ADAMTSL1: variants seen among roughly 807,000 people sequenced by gnomAD.
ADAMTSL1 encodes the protein ADAMTS like 1.
A neutral mutation model predicts 201.8 loss-of-function variants in ADAMTSL1; 126 were observed. The ratio of observed to expected loss-of-function variants is 0.62; its 90% CI spans 0.54 to 0.72. The LOEUF is 0.72. Ranked by LOEUF, ADAMTSL1 falls within the 30% of genes least tolerant of loss-of-function variation. The pLI is 0.00. For synonymous variants in ADAMTSL1, 1,121 were observed against 903.4 expected (o/e 1.24, Z -4.32); for missense variants, 2,679 against 2,277.8 (o/e 1.18, Z -3.59).
chr9:18,103,901 C>T (rs1824641501), intron 1 of ADAMTSL1, among the ~76,000 whole-genome samples: 1 of 152,288 alleles, frequency 6.6e-6, no homozygotes, highest in East Asian at 1.9e-4. Flanking sequence ...CTACACTCTT[C>T]ACTTTGGAGA....
intron 2 of ADAMTSL1, among the ~76,000 whole-genome samples, chr9:18,205,606 C>G (rs931184514): frequency 3.3e-5 from 5 of 152,092 alleles, no homozygotes; most frequent in Admixed American, 6.6e-5. Context: ...GAAAAGCAAG[C>G]TAGGTCTCTC....
chr9:18,782,180 A>G (rs1396093476), intron 19 of ADAMTSL1, among the ~76,000 whole-genome samples: 2 of 152,228 alleles, frequency 1.3e-5, no homozygotes, highest in Non-Finnish European at 2.9e-5. Context: ...CCTGTTGATG[A>G]AATTCAAAGT....
intron 2 of ADAMTSL1, among the ~76,000 whole-genome samples, chr9:18,238,225 A>AAG (rs1487906739): frequency 6.6e-6 from 1 of 152,220 alleles, no homozygotes; most frequent in Non-Finnish European, 1.5e-5. Context: ...TGAAATGGTT[A>AAG]AGATTCTCCT....
chr9:18,347,834 G>A (rs1424167100), intron 2 of ADAMTSL1, among the ~76,000 whole-genome samples: 5 of 152,086 alleles, frequency 3.3e-5, no homozygotes, highest in African/African-American at 7.2e-5. Flanking sequence ...TGTTGAATGC[G>A]GCATCAAAGG....
intron 1 of ADAMTSL1, among the ~76,000 whole-genome samples, chr9:18,040,092 C>A (rs1162807723): frequency 6.6e-6 from 1 of 152,098 alleles, no homozygotes; most frequent in Non-Finnish European, 1.5e-5. Flanking sequence ...ATTTTTAAAA[C>A]CATTATCATT....
At chr9:17,977,347 T>C (rs575847269) in intron 1 of ADAMTSL1, among the ~76,000 whole-genome samples, 1 of 152,142 alleles carries the variant, frequency 6.6e-6, no homozygotes, top group Non-Finnish European at 1.5e-5. Flanking sequence ...ATAAAATTAA[T>C]TTGGAAAAAT....
intron 2 of ADAMTSL1, among the ~76,000 whole-genome samples, chr9:18,508,462 A>G (rs1162180294): frequency 2.0e-5 from 3 of 152,238 alleles, no homozygotes; most frequent in Non-Finnish European, 1.5e-5. Context: ...GTTTGAATGC[A>G]TCTGCTCAGG....
In ADAMTSL1 at chr9:18,861,036, T is replaced by G. The variant is rs140198542; in HGVS notation, c.4250-26795T>G. ...CATCCCTCGTTTCACAGAGATCATA[T>G]ACACATCCCTCATTATACAGAGATC... is the stretch of plus-strand genomic sequence containing the variant. On this transcript the variant is annotated intron_variant, in intron 23 of 28. Coordinates refer to ENST00000380548, the MANE Select transcript of ADAMTSL1 (RefSeq NM_001040272.6). 1.5e-3 allele frequency among the ~76,000 whole-genome samples: 229 copies of G among 152,324 alleles called. 2 individuals carry two copies. The East Asian group carries it at 0.024, about 16-fold the overall frequency.
intron 18 of ADAMTSL1, 121 bp downstream of exon 18, chr9:18,776,017 C>A: frequency 7.6e-7 from 1 of 1,308,482 alleles, no homozygotes; most frequent in South Asian, 1.5e-5. Context: ...AGTAGAACCC[C>A]ATGGAGGGCT....
intron 16 of ADAMTSL1, among the ~76,000 whole-genome samples, chr9:18,757,531 A>G (rs1819843278): frequency 6.6e-6 from 1 of 151,906 alleles, no homozygotes; most frequent in South Asian, 2.1e-4. Context: ...CCCTCTGCGC[A>G]TCTGTCCCTG....
intron 1 of ADAMTSL1, among the ~76,000 whole-genome samples, chr9:18,107,687 CAGAA>C (rs1824819267): frequency 6.6e-6 from 1 of 152,116 alleles, no homozygotes; most frequent in Non-Finnish European, 1.5e-5. Context: ...AGCTTCGGAG[CAGAA>C]AGATTCTTGA....
intron 9 of ADAMTSL1, among the ~76,000 whole-genome samples, chr9:18,671,331 TGTGA>T (rs1829797906): frequency 6.6e-6 from 1 of 152,178 alleles, no homozygotes; most frequent in African/African-American, 2.4e-5. Flanking sequence ...TATGGAACCA[TGTGA>T]GTCTTCTAAA....
At chr9:18,536,063 G>C (rs1451046779) in intron 3 of ADAMTSL1, among the ~76,000 whole-genome samples, 1 of 152,044 alleles carries the variant, frequency 6.6e-6, no homozygotes, top group Non-Finnish European at 1.5e-5. Context: ...TGAGAATCTA[G>C]AATCTTCAAA....
chr9:18,246,092 C>T (rs1419216015), intron 2 of ADAMTSL1, among the ~76,000 whole-genome samples: 1 of 151,980 alleles, frequency 6.6e-6, no homozygotes, highest in African/African-American at 2.4e-5. Context: ...CAGATTCTGC[C>T]CTTGGGGAAA....
chr9:18,706,672 G>A, intron 13 of ADAMTSL1, 75 bp from the exon 14 acceptor site: 1 of 1,439,100 alleles, frequency 6.9e-7, no homozygotes, highest in Non-Finnish European at 9.3e-7. Flanking sequence ...CAGGTGGGAT[G>A]CAGCCCCTCA....
At chr9:18,012,335 C>G (rs1820086002) in intron 1 of ADAMTSL1, among the ~76,000 whole-genome samples, 1 of 152,026 alleles carries the variant, frequency 6.6e-6, no homozygotes. Flanking sequence ...CAAGCAGGAT[C>G]AAGAACATCT....
intron 3 of ADAMTSL1, among the ~76,000 whole-genome samples, chr9:18,542,954 C>T (rs1587511333): frequency 6.6e-6 from 1 of 152,314 alleles, no homozygotes; most frequent in African/African-American, 2.4e-5. Context: ...TGTTAGACCT[C>T]ATTTCCGGCA....
chr9:18,189,513 T>C (rs1828881771), intron 2 of ADAMTSL1, among the ~76,000 whole-genome samples: 1 of 152,088 alleles, frequency 6.6e-6, no homozygotes, highest in African/African-American at 2.4e-5. Context: ...TTTTTATATA[T>C]TCCAGAGGGC....
intron 2 of ADAMTSL1, among the ~76,000 whole-genome samples, chr9:18,298,748 G>A (rs1200793188): frequency 6.6e-6 from 1 of 152,000 alleles, no homozygotes; most frequent in African/African-American, 2.4e-5. Context: ...AATAGGCCGG[G>A]CTCGGTGGCT....
Sources: allele counts gnomAD v4.1 joint callset (sites outside exome capture counted in the v4.1 genomes callset), GRCh38; gene constraint gnomAD v4.1.1; transcripts MANE v1.5; gene names NCBI Gene and HGNC (gene_info 2026-07-23, HGNC 2026-07-21).